Variants in GRM1 observed in about 807,000 individuals in gnomAD.
The protein encoded by GRM1 is metabotropic glutamate receptor 1.
In GRM1, 33 loss-of-function variants were observed where a neutral mutation model predicts 90.9. The observed-to-expected ratio is 0.36, with a 90% CI of 0.28 to 0.49. GRM1 has a LOEUF of 0.49. Among genes scored for constraint, GRM1 ranks in the 20% least tolerant of loss-of-function variants. The pLI is 0.99. For missense variants in GRM1, 1,190 were observed against 1,534.3 expected, an observed-to-expected ratio of 0.78 and a Z score of 3.75; for synonymous variants, 700 against 613.2, an observed-to-expected ratio of 1.14 and a Z score of -2.09.
chr6:146,159,495 A>C lies in GRM1; in HGVS notation c.848A>C (p.Lys283Thr). Residue 283 changes from lysine (K) to threonine (T), a missense_variant, in exon 2 of 8, where the codon AAG becomes ACG. Coordinates refer to ENST00000282753, the MANE Select transcript of GRM1 (RefSeq NM_001278064.2). ...LLRKLRERLP[K>T]ARVVVCFCEG... ...CGCAAACTCCGAGAGAGGCTTCCCA[A>C]GGCTAGAGTGGTGGTCTGCTTCTGT... is the stretch of plus-strand genomic sequence containing the variant. 1 of 1,614,170 alleles carries C rather than the reference A, an allele frequency of 6.2e-7. No individual in the cohort carries two copies. Among genetic ancestry groups the C allele is most frequent in the Non-Finnish European group, 8.5e-7 (1 of 1,179,998 alleles).
At chr6:146,408,983 T>A (rs768077954) in intron 7 of GRM1, among the ~76,000 whole-genome samples, 4 of 152,126 alleles carry the variant, frequency 2.6e-5, no homozygotes, top group Non-Finnish European at 4.4e-5. Flanking sequence ...AAGCTTCAGA[T>A]CACAAGAATA....
At chr6:146,243,476 T>G (rs548908290) in intron 2 of GRM1, among the ~76,000 whole-genome samples, 1 of 152,066 alleles carries the variant, frequency 6.6e-6, no homozygotes, top group Non-Finnish European at 1.5e-5. Context: ...CACCTAAAAA[T>G]GACGAGAATG....
intron 2 of GRM1, among the ~76,000 whole-genome samples, chr6:146,272,050 T>A (rs1782181900): frequency 6.6e-6 from 1 of 152,186 alleles, no homozygotes; most frequent in South Asian, 2.1e-4. Context: ...GTTCCAAGAC[T>A]GTGTCCAGAT....
At chr6:146,041,301 T>C (rs1478402243) in intron 1 of GRM1, among the ~76,000 whole-genome samples, 1 of 152,036 alleles carries the variant, frequency 6.6e-6, no homozygotes, top group Non-Finnish European at 1.5e-5. Flanking sequence ...CCCTGTTTGC[T>C]GGTGTTTTTT....
At chr6:146,031,467 T>C (rs1790704942) in intron 1 of GRM1, among the ~76,000 whole-genome samples, 1 of 152,162 alleles carries the variant, frequency 6.6e-6, no homozygotes, top group Admixed American at 6.5e-5. Context: ...GAAGTGATTA[T>C]ATGGTTATCA....
chr6:146,274,955 A>T (rs955664013), intron 2 of GRM1, among the ~76,000 whole-genome samples: 1 of 152,138 alleles, frequency 6.6e-6, no homozygotes, highest in Non-Finnish European at 1.5e-5. Context: ...GTTTGAATCC[A>T]GGAGGTGGAG....
intron 2 of GRM1, among the ~76,000 whole-genome samples, chr6:146,162,489 C>T (rs575807278): frequency 3.9e-5 from 6 of 152,240 alleles, no homozygotes; most frequent in South Asian, 4.2e-4. Flanking sequence ...GTCCAAGCCA[C>T]GATCATTTTC....
intron 2 of GRM1, among the ~76,000 whole-genome samples, chr6:146,274,698 G>A (rs915769054): frequency 6.6e-6 from 1 of 152,124 alleles, no homozygotes; most frequent in Non-Finnish European, 1.5e-5. Flanking sequence ...CAATGATATA[G>A]GCTTGAAATA....
intron 3 of GRM1, among the ~76,000 whole-genome samples, chr6:146,349,503 G>A (rs1439054167): frequency 6.6e-6 from 1 of 151,974 alleles, no homozygotes; most frequent in East Asian, 1.9e-4. Context: ...TTTTTAGTGA[G>A]GTCTACTCTA....
At chr6:146,117,892 A>G (rs925570095) in intron 1 of GRM1, among the ~76,000 whole-genome samples, 2 of 151,956 alleles carry the variant, frequency 1.3e-5, no homozygotes, top group African/African-American at 4.8e-5. Flanking sequence ...TTTTACTTTG[A>G]CTATTATTTT....
At position 146,074,815 on chromosome 6, in the gene GRM1, C is replaced by A. The variant is rs751160025; in HGVS notation, c.700+44598C>A. Among the ~76,000 whole-genome samples the A allele has an allele frequency of 1.1e-3, 174 of 152,132 alleles. 1 individual carries two copies. The highest frequency in any genetic ancestry group is 1.0e-3 in the Non-Finnish European group (69 of 68,032). On this transcript the variant is annotated intron_variant, in intron 1 of 7. Transcript: ENST00000282753. ...CACAGGCAATGCTTATTTACTTTCACATAACAGTTTAATGACTTTAAACCA... is the reference window on the plus strand; with the variant it reads ...CACAGGCAATGCTTATTTACTTTCAAATAACAGTTTAATGACTTTAAACCA...
chr6:146,326,838 A>G (rs1784417021), intron 3 of GRM1, among the ~76,000 whole-genome samples: 2 of 152,218 alleles, frequency 1.3e-5, no homozygotes, highest in South Asian at 2.1e-4. Context: ...GCAATATACA[A>G]AAATCCTGAC....
chr6:146,320,012 G>A (rs1459634860), intron 3 of GRM1, among the ~76,000 whole-genome samples: 3 of 152,168 alleles, frequency 2.0e-5, no homozygotes, highest in Non-Finnish European at 4.4e-5. Context: ...TTGAATAAGA[G>A]TGGTGAGAGA....
chr6:146,308,348 A>G (rs538319524), intron 3 of GRM1, among the ~76,000 whole-genome samples: 52 of 152,336 alleles, frequency 3.4e-4, no homozygotes, highest in Non-Finnish European at 6.3e-4. Context: ...ACACAAATGA[A>G]CTACTTTACA....
intron 7 of GRM1, among the ~76,000 whole-genome samples, chr6:146,433,225 TA>T (rs1778475949): frequency 6.6e-6 from 1 of 152,194 alleles, no homozygotes; most frequent in Non-Finnish European, 1.5e-5. Flanking sequence ...TGAAATGTTT[TA>T]AAAAAATCAA....
chr6:146,358,247 G>A (rs1022421896), intron 5 of GRM1, among the ~76,000 whole-genome samples: 1 of 152,124 alleles, frequency 6.6e-6, no homozygotes, highest in African/African-American at 2.4e-5. Flanking sequence ...GGTGGGTGGG[G>A]CAAGTGAGTA....
At chr6:146,077,592 G>A (rs914562454) in intron 1 of GRM1, among the ~76,000 whole-genome samples, 1 of 151,958 alleles carries the variant, frequency 6.6e-6, no homozygotes, top group Non-Finnish European at 1.5e-5. Context: ...CTTTGGAAAG[G>A]AAAAAAATAA....
intron 2 of GRM1, among the ~76,000 whole-genome samples, chr6:146,253,265 G>T (rs1781367071): frequency 6.6e-6 from 1 of 152,092 alleles, no homozygotes; most frequent in African/African-American, 2.4e-5. Flanking sequence ...AAAAGCATTA[G>T]CAACAGTCCA....
At chr6:146,379,571 T>C (rs1216646248) in intron 5 of GRM1, among the ~76,000 whole-genome samples, 1 of 151,984 alleles carries the variant, frequency 6.6e-6, no homozygotes. Context: ...CCAAGATTGG[T>C]TTCCGGTGTC....
Sources: gnomAD v4.1 joint callset for allele counts (sites outside exome capture counted in the v4.1 genomes callset) on GRCh38, gnomAD v4.1.1 for gene constraint, MANE v1.5 for transcripts, NCBI Gene and HGNC (gene_info 2026-07-23, HGNC 2026-07-21) for gene names.